The following ATG13 variants were observed in gnomAD, a reference collection of about 807,000 sequenced individuals.
The protein encoded by ATG13 is autophagy related 13, also known as autophagy-related protein 13.
A neutral mutation model predicts 65.5 loss-of-function variants in ATG13; 23 were observed. That is an observed-to-expected ratio of 0.35 (90% CI 0.25 to 0.50). The LOEUF is 0.50. ATG13 is among the 20% of genes least tolerant of loss of function. ATG13 has a pLI of 0.98. For synonymous variants in ATG13, 252 were observed against 245.2 expected, an observed-to-expected ratio of 1.03 and a Z score of -0.26; for missense variants, 566 against 677.0, an observed-to-expected ratio of 0.84 and a Z score of 1.82.
chr11:46,644,966 C>A (rs2057138782), intron 3 of ATG13, among the ~76,000 whole-genome samples: 1 of 152,168 alleles, frequency 6.6e-6, no homozygotes, highest in African/African-American at 2.4e-5. Flanking sequence ...TGTTTTAAAT[C>A]TACCATGGTG....
chr11:46,646,244 G>A (rs1226227308), intron 5 of ATG13, among the ~76,000 whole-genome samples: 1 of 151,668 alleles, frequency 6.6e-6, no homozygotes, highest in Non-Finnish European at 1.5e-5. Flanking sequence ...TGCCTCCCAG[G>A]TTCAAGTGAT....
chr11:46,665,018 C>A, intron 13 of ATG13, 59 bp downstream of exon 13: 1 of 1,487,228 alleles, frequency 6.7e-7, no homozygotes, highest in Non-Finnish European at 9.3e-7. Context: ...TGCCCGGAGG[C>A]AATTGAGGGG....
intron 5 of ATG13, 43 bp downstream of exon 5, chr11:46,646,032 G>T (rs1393636119): frequency 2.5e-6 from 4 of 1,610,800 alleles, no homozygotes; most frequent in Non-Finnish European, 3.4e-6. Flanking sequence ...AGCACTGAAG[G>T]CTCCTCACAC....
chr11:46,622,512 A>C (rs542719678), intron 1 of ATG13, among the ~76,000 whole-genome samples: 5 of 152,322 alleles, frequency 3.3e-5, no homozygotes, highest in African/African-American at 1.2e-4. Flanking sequence ...TCATGCATTC[A>C]TCATCTAAAC....
intron 2 of ATG13, among the ~76,000 whole-genome samples, chr11:46,640,433 T>C (rs2055588785): frequency 6.6e-6 from 1 of 152,230 alleles, no homozygotes; most frequent in Non-Finnish European, 1.5e-5. Flanking sequence ...GAAGTACTTG[T>C]ATCCAGAATA....
At position 46,645,887 on chromosome 11, in the gene ATG13, A is replaced by C. The variant is rs927088889; in HGVS notation, c.168A>C (p.Lys56Asn). 1.9e-6 allele frequency: 3 copies of C among 1,614,060 alleles called. No homozygotes were observed. The highest frequency in any genetic ancestry group is 2.5e-6 in the Non-Finnish European group (3 of 1,180,006). Residue 56 changes from lysine to asparagine, a missense_variant, in exon 5 of 19, where the codon AAA becomes AAC. This residue lies in a region of ATG13 where 179 missense variants were observed against 267.2 expected (regional missense o/e 0.67). Coordinates refer to ENST00000683050, the MANE Select transcript of ATG13 (RefSeq NM_001346311.2). ...TTTTCCAGTTCAACTTAGCAATCAA[A>C]GACATCCCAGAGGTTACACATGAAG... ...TGSDWFNLAI[K>N]DIPEVTHEAK...
chr11:46,657,713 A>ACTCTCCAGTGGG (rs2060321163), intron 10 of ATG13, 91 bp downstream of exon 10: 1 of 1,191,458 alleles, frequency 8.4e-7, no homozygotes, highest in Non-Finnish European at 1.2e-6. Context: ...CTCAGCACTC[A>ACTCTCCAGTGGG]CTCTCCAGTG....
At chr11:46,630,285 C>T (rs2051230156) in intron 2 of ATG13, among the ~76,000 whole-genome samples, 185 bp downstream of exon 2, 1 of 152,104 alleles carries the variant, frequency 6.6e-6, no homozygotes, top group Non-Finnish European at 1.5e-5. Context: ...AAGCAGCAGC[C>T]TGGGAGTGAA....
At chr11:46,658,900 A>G (rs2060582908) in intron 10 of ATG13, among the ~76,000 whole-genome samples, 1 of 152,154 alleles carries the variant, frequency 6.6e-6, no homozygotes, top group Admixed American at 6.5e-5. Flanking sequence ...GTTTGGGTTT[A>G]AAAAACAGGC....
chr11:46,662,993 CG>C (rs1366619942), intron 11 of ATG13, among the ~76,000 whole-genome samples: 1 of 152,068 alleles, frequency 6.6e-6, no homozygotes, highest in African/African-American at 2.4e-5. Context: ...AGTCCAGGCG[CG>C]GTGGCTCACA....
chr11:46,665,779 C>CA (rs1592218807), intron 14 of ATG13, among the ~76,000 whole-genome samples: 1 of 128,510 alleles, frequency 7.8e-6, no homozygotes, highest in Non-Finnish European at 1.7e-5. Context: ...CTCTGTCTCT[C>CA]AAAAAAATTT....
chr11:46,619,864 C>T (rs2046843083), intron 1 of ATG13, among the ~76,000 whole-genome samples: 1 of 151,290 alleles, frequency 6.6e-6, no homozygotes, highest in Non-Finnish European at 1.5e-5. Flanking sequence ...CCCGTCTCTA[C>T]TAAAAATACA....
At position 46,672,683 on chromosome 11, in the gene ATG13, C is replaced by A; in HGVS notation, c.*351C>A. On this transcript the variant is annotated 3_prime_UTR_variant, in exon 19 of 19. Transcript: ENST00000683050. ...CTGCCGGCCTCCTGCCTGGGCCTGC[C>A]TTGCAGCTGGCCCCTTCCCTGCCTG... is the stretch of plus-strand genomic sequence containing the variant. The A allele has an allele frequency of 7.3e-7, 1 of 1,370,302 alleles. No homozygotes were observed. The highest frequency in any genetic ancestry group is 9.7e-7 in the Non-Finnish European group (1 of 1,034,968). 84.9% of individuals were successfully genotyped at this position (1,370,302 alleles called of 1,614,324 possible). A position where few individuals can be genotyped will look rare whatever the true frequency, so the allele number is the denominator to read the frequency against.
At chr11:46,620,734 C>G (rs1387940317) in intron 1 of ATG13, among the ~76,000 whole-genome samples, 3 of 151,900 alleles carry the variant, frequency 2.0e-5, no homozygotes, top group Non-Finnish European at 2.9e-5. Flanking sequence ...GAGATCATGC[C>G]ATTGCATTCC....
intron 2 of ATG13, among the ~76,000 whole-genome samples, chr11:46,642,633 A>G (rs750880888): frequency 6.6e-6 from 1 of 152,060 alleles, no homozygotes; most frequent in Non-Finnish European, 1.5e-5. Context: ...ATATCACCCA[A>G]TCATGCCTAT....
intron 1 of ATG13, among the ~76,000 whole-genome samples, chr11:46,621,350 T>C (rs1305911901): frequency 2.0e-5 from 3 of 152,152 alleles, no homozygotes; most frequent in Admixed American, 6.6e-5. Context: ...ATACTTTCTT[T>C]TTACATGAAG....
rs149613161 is a variant in ATG13, at chr11:46,656,047, C to T, written c.459-186C>T. 5.7e-4 allele frequency among the ~76,000 whole-genome samples: 87 copies of T among 152,244 alleles called. 1 individual carries two copies. The highest frequency in any genetic ancestry group is 1.8e-4 in the Non-Finnish European group (12 of 68,014). On this transcript the variant is annotated intron_variant, in intron 7 of 18. Coordinates refer to ENST00000683050, the MANE Select transcript of ATG13 (RefSeq NM_001346311.2). ...TATTTTCCTTATTTTTTAACCAACC[C>T]ACTCTGTACGTCTCCATGCCTGTAG... is the stretch of plus-strand genomic sequence containing the variant.
At chr11:46,671,701 C>T (rs1240932680) in intron 18 of ATG13, among the ~76,000 whole-genome samples, 1 of 152,126 alleles carries the variant, frequency 6.6e-6, no homozygotes, top group Non-Finnish European at 1.5e-5. Context: ...GAGATCACAC[C>T]ACAGCACTCC....
intron 2 of ATG13, among the ~76,000 whole-genome samples, chr11:46,640,901 C>T (rs1469964044): frequency 6.6e-6 from 1 of 152,166 alleles, no homozygotes; most frequent in Non-Finnish European, 1.5e-5. Flanking sequence ...TACTTTAAAC[C>T]TTTCTGGCAG....
Sources: gnomAD v4.1 joint callset for allele counts (sites outside exome capture counted in the v4.1 genomes callset) on GRCh38, gnomAD v4.1.1 for gene constraint, gnomAD v4.1.1 regional missense constraint, MANE v1.5 for transcripts, NCBI Gene and HGNC (gene_info 2026-07-23, HGNC 2026-07-21) for gene names.